The following DOK6 variants were observed in gnomAD, a reference collection of about 807,000 sequenced individuals.
DOK6 encodes docking protein 6.
In DOK6, 22 loss-of-function variants were observed where a neutral mutation model predicts 44.0. That is an observed-to-expected ratio of 0.50 (90% CI 0.36 to 0.71). DOK6 has a LOEUF of 0.71. Among genes scored for constraint, DOK6 ranks in the 30% least tolerant of loss-of-function variants. The pLI is 0.00. For synonymous variants in DOK6, 166 were observed against 145.5 expected (o/e 1.14, Z -1.01); for missense variants, 340 against 416.4 (o/e 0.82, Z 1.60).
intron 1 of DOK6, among the ~76,000 whole-genome samples, chr18:69,403,618 CA>C (rs1916144015): frequency 6.6e-6 from 1 of 151,982 alleles, no homozygotes; most frequent in Admixed American, 6.5e-5. Flanking sequence ...TAAATTAAAT[CA>C]AAATATTAAA....
chr18:69,462,699 T>A (rs1428503446), intron 1 of DOK6, among the ~76,000 whole-genome samples: 1 of 152,258 alleles, frequency 6.6e-6, no homozygotes. Flanking sequence ...TATTAACTGA[T>A]TAATCCTTCT....
rs1353752511 is a variant in DOK6 at position 69,401,460 on chromosome 18, G to C, written c.66+150G>C. On this transcript the variant is annotated intron_variant, in intron 1 of 7. Coordinates refer to ENST00000382713, the MANE Select transcript of DOK6 (RefSeq NM_152721.6). ...GATGGCCCGCTTGTTGCTTGGCCAG[G>C]TGGGGGCCCACACCTGCCGGGGGGC... 1.1e-5 allele frequency: 11 copies of C among 974,744 alleles called. No homozygotes were observed. The African/African-American group carries it at 1.4e-4, about 12-fold the overall frequency. 60.4% of individuals were successfully genotyped at this position (974,744 alleles called of 1,614,324 possible).
intron 2 of DOK6, among the ~76,000 whole-genome samples, chr18:69,583,880 G>A (rs764680298): frequency 4.6e-5 from 7 of 152,146 alleles, no homozygotes; most frequent in East Asian, 3.8e-4. Context: ...AGACCAAGGC[G>A]GGAGGATCAT....
chr18:69,747,305 AC>A (rs1438108412), intron 6 of DOK6, among the ~76,000 whole-genome samples: 1 of 152,250 alleles, frequency 6.6e-6, no homozygotes, highest in Non-Finnish European at 1.5e-5. Flanking sequence ...AAGTCAGTTA[AC>A]AGTTTTTTTA....
intron 1 of DOK6, among the ~76,000 whole-genome samples, chr18:69,438,399 T>A (rs1979044038): frequency 1.3e-5 from 2 of 152,238 alleles, no homozygotes; most frequent in Admixed American, 6.5e-5. Context: ...ATCTTGAGAT[T>A]TCAGCAATTC....
intron 1 of DOK6, among the ~76,000 whole-genome samples, chr18:69,472,872 G>T (rs1980154700): frequency 6.6e-6 from 1 of 152,036 alleles, no homozygotes; most frequent in African/African-American, 2.4e-5. Flanking sequence ...AAGAAACAAA[G>T]AATTTCAAAC....
chr18:69,517,566 T>C (rs980417357), intron 1 of DOK6, among the ~76,000 whole-genome samples: 2 of 152,168 alleles, frequency 1.3e-5, no homozygotes, highest in Non-Finnish European at 2.9e-5. Context: ...TGACTGATTG[T>C]AGCTAGAAGT....
At chr18:69,754,844 T>C (rs981063982) in intron 6 of DOK6, among the ~76,000 whole-genome samples, 5 of 152,142 alleles carry the variant, frequency 3.3e-5, no homozygotes, top group African/African-American at 1.2e-4. Flanking sequence ...ATATAGTCAT[T>C]TGGGGGATAG....
chr18:69,832,454 TC>T lies in DOK6; in HGVS notation c.857-8789del, dbSNP rs1211462791. 3 of 152,114 alleles carry T rather than the reference TC, an allele frequency of 2.0e-5. No individual in the cohort carries two copies. In the East Asian group the frequency reaches 5.8e-4, roughly 29 times the overall value. The allele number at this position is 152,114 out of a possible 1,614,324, so 9.4% of individuals were successfully genotyped here. On this transcript the variant is annotated intron_variant, in intron 7 of 7. Transcript: ENST00000382713. ...TACTATTTTGTTGAGAATTTTTGAA[TC>T]TATGTTCATCAGAGATATTGGCCTG...
At chr18:69,769,817 A>C (rs1037266902) in intron 7 of DOK6, among the ~76,000 whole-genome samples, 5 of 152,128 alleles carry the variant, frequency 3.3e-5, no homozygotes, top group African/African-American at 1.2e-4. Context: ...AAGAGTCAGG[A>C]AGCCAGAGAT....
At chr18:69,738,353 A>G (rs1370808364) in intron 5 of DOK6, among the ~76,000 whole-genome samples, 1 of 152,210 alleles carries the variant, frequency 6.6e-6, no homozygotes, top group Non-Finnish European at 1.5e-5. Flanking sequence ...CTTTCTGAAG[A>G]CTTTCTTAAA....
chr18:69,700,678 T>C (rs941575851), intron 5 of DOK6, among the ~76,000 whole-genome samples: 7 of 152,236 alleles, frequency 4.6e-5, no homozygotes, highest in African/African-American at 1.7e-4. Flanking sequence ...TCCATAATTT[T>C]GTGCATCTGT....
intron 2 of DOK6, among the ~76,000 whole-genome samples, chr18:69,590,251 A>T (rs12604330): frequency 6.6e-6 from 1 of 152,140 alleles, no homozygotes; most frequent in South Asian, 2.1e-4. Flanking sequence ...TGTGTCCTGC[A>T]TAAGAACACA....
At chr18:69,417,947 C>T (rs143854532) in intron 1 of DOK6, among the ~76,000 whole-genome samples, 5 of 152,080 alleles carry the variant, frequency 3.3e-5, no homozygotes, top group South Asian at 2.1e-4. Context: ...TTATGTATCC[C>T]GTTTATTAAC....
intron 4 of DOK6, among the ~76,000 whole-genome samples, chr18:69,693,851 G>A (rs1986324780): frequency 6.6e-6 from 1 of 151,500 alleles, no homozygotes; most frequent in Non-Finnish European, 1.5e-5. Context: ...GAGGTCAGGA[G>A]ATCGAGACCA....
In DOK6 at chr18:69,685,977, A is replaced by T. The variant is rs182332403; in HGVS notation, c.409+8124A>T. 2.6e-4 allele frequency among the ~76,000 whole-genome samples: 40 copies of T among 152,158 alleles called. 1 individual carries two copies. Among genetic ancestry groups the T allele is most frequent in the African/African-American group, 9.4e-4 (39 of 41,502 alleles). On this transcript the variant is annotated intron_variant, in intron 4 of 7. Transcript: ENST00000382713. The stretch of plus-strand genomic sequence containing the variant: ...GCAAAATGTATATGTTGAAGTCCTA[A>T]CCCCTGGTACCTCAGAATGTGATAG...
chr18:69,664,723 T>G (rs992935124), intron 3 of DOK6, among the ~76,000 whole-genome samples: 1 of 152,178 alleles, frequency 6.6e-6, no homozygotes, highest in Non-Finnish European at 1.5e-5. Flanking sequence ...TTTCATTCAC[T>G]CTCTGACTAC....
chr18:69,668,986 T>C (rs1985729101), intron 3 of DOK6, among the ~76,000 whole-genome samples: 1 of 152,198 alleles, frequency 6.6e-6, no homozygotes, highest in Non-Finnish European at 1.5e-5. Flanking sequence ...CCTTTTGTGA[T>C]AGGGATGGTC....
chr18:69,496,718 G>T (rs565128123), intron 1 of DOK6, among the ~76,000 whole-genome samples: 2 of 151,908 alleles, frequency 1.3e-5, no homozygotes, highest in South Asian at 4.1e-4. Flanking sequence ...TTTTCTCATG[G>T]TATTCTCTGA....
Sources: gnomAD v4.1 joint callset for allele counts (sites outside exome capture counted in the v4.1 genomes callset) on GRCh38, gnomAD v4.1.1 for gene constraint, MANE v1.5 for transcripts, NCBI Gene and HGNC (gene_info 2026-07-23, HGNC 2026-07-21) for gene names.